The following EVL variants were observed in gnomAD, a reference collection of about 807,000 sequenced individuals.
EVL encodes ena/VASP-like protein.
Under a neutral mutation model 59.6 loss-of-function variants are expected in EVL, and 21 were observed. The observed-to-expected ratio is 0.35, with a 90% confidence interval of 0.25 to 0.51. The LOEUF is 0.51. Among genes scored for constraint, EVL ranks in the 20% least tolerant of loss-of-function variants. The pLI is 0.97. For missense variants in EVL, 462 were observed against 546.6 expected, an observed-to-expected ratio of 0.85 and a Z score of 1.54; for synonymous variants, 198 against 203.5, an observed-to-expected ratio of 0.97 and a Z score of 0.23.
At chr14:100,059,650 C>T (rs1328960544) in intron 1 of EVL, among the ~76,000 whole-genome samples, 1 of 151,994 alleles carries the variant, frequency 6.6e-6, no homozygotes, top group African/African-American at 2.4e-5. Context: ...AGAAACCGCC[C>T]AGAACACCTC....
intron 2 of EVL, among the ~76,000 whole-genome samples, chr14:100,087,262 A>G (rs2062465152): frequency 6.6e-6 from 1 of 152,216 alleles, no homozygotes; most frequent in Admixed American, 6.5e-5. Context: ...AATCTAACCT[A>G]AATCTTACAT....
At chr14:100,032,899 G>A (rs533874896) in intron 1 of EVL, among the ~76,000 whole-genome samples, 1 of 152,026 alleles carries the variant, frequency 6.6e-6, no homozygotes, top group African/African-American at 2.4e-5. Context: ...ACACATGTTG[G>A]CTTCTCAGCA....
rs552829141 is a variant in EVL, at chr14:100,109,923, C to T, written c.358+12265C>T. ...GTGTGCCCTTGGGCATGTCACTGAC[C>T]TAAGACTCAGTTTCGCCATCTGTGA... On this transcript the variant is annotated intron_variant, in intron 3 of 13. Coordinates refer to ENST00000392920, the MANE Select transcript of EVL (RefSeq NM_016337.3). The surrounding 1 kb of genome is among the most constrained non-coding windows in gnomAD (Gnocchi z 4.3). Among the ~76,000 whole-genome samples the T allele has an allele frequency of 2.0e-5, 3 of 152,326 alleles. No homozygotes were observed. In the South Asian group the frequency reaches 6.2e-4, roughly 32 times the overall value.
At chr14:100,017,946 G>A (rs2061064492) in intron 1 of EVL, among the ~76,000 whole-genome samples, 1 of 152,218 alleles carries the variant, frequency 6.6e-6, no homozygotes, top group African/African-American at 2.4e-5. Flanking sequence ...TATGAAGAGT[G>A]ATACATTTGT....
chr14:100,054,683 T>TA (rs1478511130), intron 1 of EVL, among the ~76,000 whole-genome samples: 1 of 152,146 alleles, frequency 6.6e-6, no homozygotes, highest in Non-Finnish European at 1.5e-5. Flanking sequence ...GAAGCCCCAG[T>TA]AAGGGCTGTG....
At position 100,009,039 on chromosome 14, in the gene EVL, T is replaced by A. The variant is rs188132081; in HGVS notation, c.5+36982T>A. 8.0e-4 allele frequency among the ~76,000 whole-genome samples: 122 copies of A among 152,356 alleles called. 1 individual carries two copies. Among genetic ancestry groups the A allele is most frequent in the African/African-American group, 2.9e-3 (119 of 41,576 alleles). On this transcript the variant is annotated intron_variant, in intron 1 of 13. Transcript: ENST00000402714. ...TTTGAGGAAACAAAACACGTTTACCTCACGTAAGACTTCTTAGATTACAAC... is the reference window on the plus strand; with the variant it reads ...TTTGAGGAAACAAAACACGTTTACCACACGTAAGACTTCTTAGATTACAAC...
intron 1 of EVL, among the ~76,000 whole-genome samples, chr14:100,005,891 G>C (rs1472881116): frequency 6.6e-6 from 1 of 152,080 alleles, no homozygotes; most frequent in African/African-American, 2.4e-5. Flanking sequence ...GCAGCATGGG[G>C]CGACAGCCAT....
At position 99,972,760 on chromosome 14, in the gene EVL, C is replaced by G. The variant is rs2060743139; in HGVS notation, c.5+703C>G. On this transcript the variant is annotated intron_variant, in intron 1 of 13. Transcript: ENST00000402714. This position sits in a 1 kb window ranked among gnomAD's most constrained non-coding sequence, Gnocchi z 4.4. ...CCCTCTCCCAGTCGCTAAACCCTCC[C>G]TTCCTCTCCAGATCCTGTCGTGACT... 6.6e-6 allele frequency among the ~76,000 whole-genome samples: 1 copy of G among 152,090 alleles called. No homozygotes were observed. Among genetic ancestry groups the G allele is most frequent in the African/African-American group, 2.4e-5 (1 of 41,398 alleles).
At chr14:100,050,820 GCAGCTTCAACCTC>G (rs2061635999) in intron 1 of EVL, among the ~76,000 whole-genome samples, 2 of 143,572 alleles carry the variant, frequency 1.4e-5, no homozygotes, top group South Asian at 4.4e-4. Context: ...ATAGCTCACT[GCAGCTTCAACCTC>G]CCAGGCTCAA....
At chr14:100,016,055 C>T (rs928731605) in intron 1 of EVL, among the ~76,000 whole-genome samples, 26 of 143,730 alleles carry the variant, frequency 1.8e-4, no homozygotes, top group African/African-American at 6.4e-4. Context: ...CTCCAGCCTG[C>T]GTGACAGAGT....
intron 3 of EVL, among the ~76,000 whole-genome samples, chr14:100,110,225 T>C (rs1886874243): frequency 6.6e-6 from 1 of 152,008 alleles, no homozygotes; most frequent in Non-Finnish European, 1.5e-5. Context: ...GCATTAAAAA[T>C]TAGCTAAGTG....
intron 1 of EVL, among the ~76,000 whole-genome samples, chr14:100,059,135 C>T (rs2061780230): frequency 6.7e-6 from 1 of 149,942 alleles, no homozygotes; most frequent in South Asian, 2.1e-4. Flanking sequence ...TTGACAAAAG[C>T]AACTATGAAA....
intron 3 of EVL, among the ~76,000 whole-genome samples, chr14:100,112,636 C>T (rs1282206308): frequency 6.6e-6 from 1 of 152,212 alleles, no homozygotes; most frequent in Non-Finnish European, 1.5e-5. Context: ...CCTCTACACC[C>T]AAGGCCCCTT....
At chr14:100,092,767 A>G (rs914194861) in intron 2 of EVL, among the ~76,000 whole-genome samples, 1 of 152,142 alleles carries the variant, frequency 6.6e-6, no homozygotes, top group Non-Finnish European at 1.5e-5. Context: ...AAAAGAATGA[A>G]ATATGGATAT....
At chr14:99,975,651 A>C (rs2060765300) in intron 1 of EVL, among the ~76,000 whole-genome samples, 1 of 152,212 alleles carries the variant, frequency 6.6e-6, no homozygotes, top group Non-Finnish European at 1.5e-5. Context: ...TTGCGTGCAC[A>C]GTTCACAATA....
intron 1 of EVL, among the ~76,000 whole-genome samples, chr14:99,979,892 A>G (rs1268220727): frequency 6.6e-6 from 1 of 152,176 alleles, no homozygotes; most frequent in Non-Finnish European, 1.5e-5. Flanking sequence ...ATAAAAATAA[A>G]TAAATAAATA....
At chr14:100,020,462 A>C (rs1566971056) in intron 1 of EVL, among the ~76,000 whole-genome samples, 12 of 149,628 alleles carry the variant, frequency 8.0e-5, no homozygotes, top group African/African-American at 2.9e-4. Context: ...TATGGAAGAG[A>C]GTGTGTGTGT....
chr14:100,042,896 C>CCT (rs895856113), intron 1 of EVL, among the ~76,000 whole-genome samples: 2 of 152,098 alleles, frequency 1.3e-5, no homozygotes, highest in African/African-American at 4.8e-5. Context: ...TGCCCTTAGT[C>CCT]AAGTTTTCTG....
At chr14:100,089,553 T>A (rs926297994) in intron 2 of EVL, among the ~76,000 whole-genome samples, 2 of 152,234 alleles carry the variant, frequency 1.3e-5, no homozygotes, top group Admixed American at 1.3e-4. Context: ...GAAATCACAG[T>A]GTAAACTAGA....
Sources: allele counts gnomAD v4.1 joint callset (sites outside exome capture counted in the v4.1 genomes callset), GRCh38; gene constraint gnomAD v4.1.1; non-coding constraint Gnocchi (gnomAD v3.1); transcripts MANE v1.5; gene names NCBI Gene and HGNC (gene_info 2026-07-23, HGNC 2026-07-21).